LOC400499: variants seen among roughly 807,000 people sequenced by gnomAD.
chr16:11,382,217 C>T, the LOC400499 span, among the ~76,000 whole-genome samples: 1 of 152,024 alleles, frequency 6.6e-6, no homozygotes. Flanking sequence ...GGATTACAGG[C>T]ATAAGCCACC....
chr16:11,459,929 G>A, the LOC400499 span: 3 of 1,493,522 alleles, frequency 2.0e-6, no homozygotes, highest in Non-Finnish European at 2.7e-6. Context: ...CGGGCCCCGA[G>A]TCATTCTTGA....
the LOC400499 span, among the ~76,000 whole-genome samples, chr16:11,376,031 G>C: frequency 1.3e-5 from 2 of 152,144 alleles, no homozygotes; most frequent in African/African-American, 4.8e-5. Context: ...GAGCCACCGC[G>C]CCGGGCCCTT....
the LOC400499 span, chr16:11,469,457 G>GT: frequency 2.5e-6 from 1 of 398,976 alleles, no homozygotes. Context: ...CCTGCCCCGG[G>GT]TGTGGCACCG....
the LOC400499 span, chr16:11,385,088 C>T: frequency 7.3e-6 from 9 of 1,232,154 alleles, no homozygotes; most frequent in African/African-American, 1.6e-5. Flanking sequence ...GGGGGCTGGG[C>T]AGGAGGTCTG....
chr16:11,378,855 G>A, the LOC400499 span, among the ~76,000 whole-genome samples: 1 of 152,208 alleles, frequency 6.6e-6, no homozygotes, highest in Non-Finnish European at 1.5e-5. Context: ...TGAAGAATGT[G>A]TATTCTGCTG....
At chr16:11,385,534 GC>G in the LOC400499 span, 1 of 629,342 alleles carries the variant, frequency 1.6e-6, no homozygotes, top group Non-Finnish European at 2.3e-6. Flanking sequence ...CTGCCCTGAG[GC>G]CTGGATTCCC....
At chr16:11,464,923 G>C in the LOC400499 span, among the ~76,000 whole-genome samples, 1 of 152,208 alleles carries the variant, frequency 6.6e-6, no homozygotes, top group Non-Finnish European at 1.5e-5. Context: ...TCAGCCATCA[G>C]GCAGGTGGAG....
chr16:11,429,669 T>A, the LOC400499 span, among the ~76,000 whole-genome samples: 1 of 152,114 alleles, frequency 6.6e-6, no homozygotes, highest in Non-Finnish European at 1.5e-5. Context: ...CGACGGGGTT[T>A]CACCATGTTG....
the LOC400499 span, among the ~76,000 whole-genome samples, chr16:11,377,513 C>A: frequency 6.6e-6 from 1 of 152,200 alleles, no homozygotes; most frequent in Non-Finnish European, 1.5e-5. Flanking sequence ...TGTTTTTAAT[C>A]ACGAAAGGGT....
the LOC400499 span, among the ~76,000 whole-genome samples, chr16:11,375,388 A>G: frequency 4.5e-5 from 6 of 133,224 alleles, no homozygotes; most frequent in South Asian, 1.1e-3. Flanking sequence ...ACCTCAGCTC[A>G]CTGCAACCTC....
At chr16:11,439,774 G>A in the LOC400499 span, among the ~76,000 whole-genome samples, 1 of 152,002 alleles carries the variant, frequency 6.6e-6, no homozygotes, top group Non-Finnish European at 1.5e-5. Context: ...CTTAGGAAGT[G>A]ACATCCTGGA....
At chr16:11,515,150 T>C in the LOC400499 span, among the ~76,000 whole-genome samples, 1 of 151,964 alleles carries the variant, frequency 6.6e-6, no homozygotes, top group Admixed American at 6.6e-5. Context: ...TACTAAAATT[T>C]TTTTTAAAAA....
At chr16:11,516,002 G>T in the LOC400499 span, 2 of 399,778 alleles carry the variant, frequency 5.0e-6, no homozygotes, top group Non-Finnish European at 8.8e-6. Context: ...CAGGTCCTTT[G>T]TCTTGTGTAG....
At chr16:11,451,618 G>C in the LOC400499 span, among the ~76,000 whole-genome samples, 6 of 152,120 alleles carry the variant, frequency 3.9e-5, no homozygotes, top group African/African-American at 1.4e-4. Context: ...AATGCTGAGG[G>C]CTGTGAAGAA....
At chr16:11,508,526 C>A in the LOC400499 span, among the ~76,000 whole-genome samples, 1 of 152,248 alleles carries the variant, frequency 6.6e-6, no homozygotes, top group African/African-American at 2.4e-5. Flanking sequence ...TGGCCTGGCA[C>A]ACGCCATCTA....
chr16:11,486,086 G>T, the LOC400499 span, among the ~76,000 whole-genome samples: 11 of 149,576 alleles, frequency 7.4e-5, no homozygotes, highest in African/African-American at 2.8e-4. Context: ...ATGTATGGAT[G>T]GATGGACGGA....
the LOC400499 span, among the ~76,000 whole-genome samples, chr16:11,387,455 A>T: frequency 2.6e-5 from 4 of 152,092 alleles, no homozygotes; most frequent in Admixed American, 6.5e-5. Flanking sequence ...TCCCATCATG[A>T]GGTGGAGGAG....
chr16:11,475,502 G>C, the LOC400499 span: 2 of 395,426 alleles, frequency 5.1e-6, no homozygotes, highest in African/African-American at 4.1e-5. Flanking sequence ...GATACTTTTT[G>C]GTTTGCAGAA....
the LOC400499 span, chr16:11,387,256 C>T: frequency 4.2e-5 from 52 of 1,232,296 alleles, no homozygotes; most frequent in East Asian, 9.5e-5. Flanking sequence ...GCTCGTCCCC[C>T]GCAGGCAACA....
Sources: gnomAD v4.1 joint callset for allele counts (sites outside exome capture counted in the v4.1 genomes callset) on GRCh38, gnomAD v4.1.1 for gene constraint, MANE v1.5 for transcripts.